ABR: variants seen among roughly 807,000 people sequenced by gnomAD.
ABR encodes ABR activator of RhoGEF and GTPase, also known as active breakpoint cluster region-related protein.
Under a neutral mutation model 107.2 loss-of-function variants are expected in ABR, and 35 were observed. The ratio of observed to expected loss-of-function variants is 0.33; its 90% CI spans 0.25 to 0.43. The LOEUF is 0.43. ABR is among the 20% of genes least tolerant of loss of function. The pLI is 1.00. For synonymous variants in ABR, 498 were observed against 462.0 expected, an observed-to-expected ratio of 1.08 and a Z score of -1.00; for missense variants, 815 against 1,115.2, an observed-to-expected ratio of 0.73 and a Z score of 3.83.
At chr17:1,123,419 G>A (rs2039439100) in intron 2 of ABR, among the ~76,000 whole-genome samples, 1 of 152,214 alleles carries the variant, frequency 6.6e-6, no homozygotes, top group South Asian at 2.1e-4. Flanking sequence ...GTCAAGTTCT[G>A]CCCCGAAGCC....
At chr17:1,228,530 C>T (rs997130675) in intron 1 of ABR, among the ~76,000 whole-genome samples, 31 of 152,120 alleles carry the variant, frequency 2.0e-4, no homozygotes, top group Non-Finnish European at 3.1e-4. Flanking sequence ...GAGCGCAAAG[C>T]GCAAAGGCCC....
intron 16 of ABR, among the ~76,000 whole-genome samples, chr17:1,015,410 C>T (rs1450574493): frequency 6.5e-5 from 8 of 123,100 alleles, no homozygotes; most frequent in Non-Finnish European, 3.3e-5. Context: ...AGAGTGAGAC[C>T]CTGTCTCAAG....
intron 10 of ABR, among the ~76,000 whole-genome samples, chr17:1,061,388 T>C (rs1466679509): frequency 6.6e-6 from 1 of 152,192 alleles, no homozygotes; most frequent in Admixed American, 6.5e-5. Flanking sequence ...GTACCACCAG[T>C]TGGACCCTCT....
intron 1 of ABR, among the ~76,000 whole-genome samples, chr17:1,168,572 G>T (rs2041598636): frequency 6.6e-6 from 1 of 152,242 alleles, no homozygotes; most frequent in African/African-American, 2.4e-5. Flanking sequence ...ACTGAATGTG[G>T]TGGGAAAGGC....
intron 21 of ABR, among the ~76,000 whole-genome samples, chr17:1,007,910 A>G (rs1479980377): frequency 6.6e-6 from 1 of 152,214 alleles, no homozygotes; most frequent in East Asian, 1.9e-4. Context: ...AGGAGTCACT[A>G]GCTAGACCCG....
intron 3 of ABR, among the ~76,000 whole-genome samples, chr17:1,097,576 G>A (rs2037555537): frequency 8.7e-6 from 1 of 115,466 alleles, no homozygotes; most frequent in Admixed American, 1.1e-4. Context: ...GGGCAACAGA[G>A]CAAGACTCCG....
In ABR at chr17:1,050,279, A is replaced by G. The variant is rs1490723125; in HGVS notation, c.1660-98T>C. On this transcript the variant is annotated intron_variant, in intron 15 of 22. Transcript: ENST00000302538. This position sits in a 1 kb window ranked among gnomAD's most constrained non-coding sequence, Gnocchi z 4.6. ...TCAGCTTTGCAAGGAGGAGGGAGTA[A>G]GCACGGCCCACGAAGGACACGTCAG... is the stretch of plus-strand genomic sequence containing the variant. The G allele has an allele frequency of 2.8e-6, 4 of 1,453,356 alleles. No homozygotes were observed. In the Admixed American group the frequency reaches 8.3e-5, roughly 30 times the overall value. 90.0% of individuals were successfully genotyped at this position (1,453,356 alleles called of 1,614,324 possible).
intron 16 of ABR, among the ~76,000 whole-genome samples, chr17:1,039,329 A>G (rs1428182319): frequency 2.6e-5 from 4 of 152,170 alleles, no homozygotes; most frequent in Non-Finnish European, 5.9e-5. Context: ...CCTGCCCAGA[A>G]TCCACTGGGC....
At position 1,210,695 on chromosome 17, in the gene ABR, A is replaced by G. The variant is rs1419661374; in HGVS notation, c.838+18098T>C. ...TCTGCTTCCTGGCTCCTAACACAAA[A>G]GGATTACTTTATCACTTTATCAACC... On this transcript the variant is annotated intron_variant, in intron 1 of 22. Transcript: ENST00000574139. The surrounding 1 kb of genome is among the most constrained non-coding windows in gnomAD (Gnocchi z 5.6). Among the ~76,000 whole-genome samples, 1 of 152,218 alleles carries G rather than the reference A, an allele frequency of 6.6e-6. No individual in the cohort carries two copies. The highest frequency in any genetic ancestry group is 1.5e-5 in the Non-Finnish European group (1 of 68,042).
intron 2 of ABR, among the ~76,000 whole-genome samples, chr17:1,117,987 T>C (rs2039113497): frequency 1.2e-5 from 1 of 80,990 alleles, no homozygotes; most frequent in African/African-American, 4.9e-5. Flanking sequence ...GAGCCTGAGT[T>C]CCTCCCAGCG....
intron 1 of ABR, among the ~76,000 whole-genome samples, chr17:1,204,222 A>G (rs1598121996): frequency 6.6e-6 from 1 of 152,338 alleles, no homozygotes; most frequent in South Asian, 2.1e-4. Flanking sequence ...AGGCGGGCGG[A>G]TCACCTGAGG....
chr17:1,026,154 T>C (rs1567601830), intron 16 of ABR, among the ~76,000 whole-genome samples: 4 of 152,236 alleles, frequency 2.6e-5, no homozygotes, highest in Non-Finnish European at 5.9e-5. Context: ...ATCATCCTGT[T>C]CAGCTCCTTC....
intron 4 of ABR, among the ~76,000 whole-genome samples, chr17:1,090,573 G>A (rs144057920): frequency 8.7e-4 from 133 of 152,264 alleles, no homozygotes; most frequent in Middle Eastern, 3.4e-3. Flanking sequence ...TGAAGCACTC[G>A]GTGAGGTAAA....
chr17:1,109,156 G>A (rs545920158), intron 2 of ABR: 11 of 1,433,900 alleles, frequency 7.7e-6, no homozygotes, highest in South Asian at 1.4e-5. Flanking sequence ...CGGGCGGGAG[G>A]GGGGGCAGGT....
upstream of ABR, among the ~76,000 whole-genome samples, chr17:1,192,319 C>A (rs2042453445): frequency 1.3e-5 from 2 of 152,128 alleles, no homozygotes; most frequent in South Asian, 4.1e-4. Flanking sequence ...CTGAGCCCTA[C>A]TGTATAAACC....
At chr17:1,121,409 G>A (rs999779652) in intron 2 of ABR, among the ~76,000 whole-genome samples, 11 of 152,240 alleles carry the variant, frequency 7.2e-5, no homozygotes, top group Non-Finnish European at 8.8e-5. Flanking sequence ...TAAACCTGGC[G>A]AGAAAAGTCT....
At chr17:1,108,904 C>A (rs748100737) in intron 2 of ABR, 147 of 1,564,006 alleles carry the variant, frequency 9.4e-5, no homozygotes, top group Non-Finnish European at 1.1e-4. Flanking sequence ...CCCGGCCCCC[C>A]CCAGCGCCCA....
intron 1 of ABR, among the ~76,000 whole-genome samples, chr17:1,227,592 T>C (rs910035455): frequency 2.0e-5 from 3 of 152,176 alleles, no homozygotes; most frequent in Non-Finnish European, 4.4e-5. Context: ...TGCAAACTCA[T>C]CCAGATAAAA....
At chr17:1,207,526 G>A (rs2042811781) in intron 1 of ABR, among the ~76,000 whole-genome samples, 1 of 150,508 alleles carries the variant, frequency 6.6e-6, no homozygotes, top group Non-Finnish European at 1.5e-5. Context: ...GCAGGCGCCT[G>A]TAATCCCAGC....
Sources: gnomAD v4.1 joint callset for allele counts (sites outside exome capture counted in the v4.1 genomes callset) on GRCh38, gnomAD v4.1.1 for gene constraint, Gnocchi (gnomAD v3.1) non-coding constraint, MANE v1.5 for transcripts, NCBI Gene and HGNC (gene_info 2026-07-23, HGNC 2026-07-21) for gene names.